Variants in PRICKLE4 observed in about 807,000 individuals in gnomAD.
PRICKLE4 encodes the protein prickle-like protein 4.
PRICKLE4 carries 40 observed loss-of-function variants against 43.5 expected under a neutral mutation model. That is an observed-to-expected ratio of 0.92 (90% CI 0.71 to 1.20). The LOEUF is 1.20. Ranked by LOEUF, PRICKLE4 falls within the 50% of genes most tolerant of loss-of-function variation. The pLI, the probability that PRICKLE4 is intolerant of heterozygous loss-of-function variation, is 0.00. For synonymous variants in PRICKLE4, 208 were observed against 197.4 expected (o/e 1.05, Z -0.45); for missense variants, 527 against 491.2 (o/e 1.07, Z -0.69).
Position 41,787,102 on chromosome 6 carries a change from C to T in PRICKLE4, c.1128C>T (p.Ala376=), listed in dbSNP as rs1164517277. Residue 376 remains alanine, a synonymous_variant, in exon 8 of 8, where the codon GCC becomes GCT. Transcript: ENST00000458694. ...GCCTCCAAGCAGAGGACAGCAACGCCTCTAAGACGCACTGCACCATGTGCT... is the reference window on the plus strand; with the variant it reads ...GCCTCCAAGCAGAGGACAGCAACGCTTCTAAGACGCACTGCACCATGTGCT... ...PGSLQAEDSN[A]SKTHCTMC is the part of the protein sequence containing the mutation. 5 of 1,609,428 alleles carry T rather than the reference C, an allele frequency of 3.1e-6. No homozygotes were observed. The highest frequency in any genetic ancestry group is 4.2e-6 in the Non-Finnish European group (5 of 1,179,618).
intron 4 of PRICKLE4, 43 bp from the exon 5 acceptor site, chr6:41,784,892 C>T: frequency 6.2e-7 from 1 of 1,609,602 alleles, no homozygotes; most frequent in Non-Finnish European, 8.5e-7. Flanking sequence ...TCAATGTTTT[C>T]TGCTGGAGCT....
At position 41,786,819 on chromosome 6, in the gene PRICKLE4, C is replaced by G. The variant is rs760559004; in HGVS notation, c.845C>G (p.Thr282Ser). 1 of 1,585,644 alleles carries G rather than the reference C, an allele frequency of 6.3e-7. No individual in the cohort carries two copies. The highest frequency in any genetic ancestry group is 1.1e-5 in the South Asian group (1 of 88,902). The change falls in exon 8 of 8, where the codon ACC becomes AGC. Residue 282 changes from threonine (T) to serine (S), a missense_variant. Physicochemically the swap from Thr to Ser is moderately conservative, Grantham distance 58. Coordinates refer to ENST00000458694, the MANE Select transcript of PRICKLE4 (RefSeq NM_013397.6). ...GACCAAACCTCGGTGAACTCTGCAA[C>G]CCTCTCCCGAACACTCCTCGCTGCT... ...GRDQTSVNSA[T>S]LSRTLLAAAG... is the part of the protein sequence containing the mutation.
At chr6:41,782,291 C>T (rs1471893893) in intron 2 of PRICKLE4, among the ~76,000 whole-genome samples, 5 of 151,660 alleles carry the variant, frequency 3.3e-5, no homozygotes, top group East Asian at 1.9e-4. Context: ...AGGATGGTCT[C>T]GAACCACTGA....
In PRICKLE4 at chr6:41,787,180, C is replaced by T. The variant is rs757297714; in HGVS notation, c.*51C>T. 1 of 1,532,048 alleles carries T rather than the reference C, an allele frequency of 6.5e-7. No individual in the cohort carries two copies. The highest frequency in any genetic ancestry group is 8.7e-7 in the Non-Finnish European group (1 of 1,146,968). The allele number at this position is 1,532,048 out of a possible 1,614,324, so 94.9% of individuals were successfully genotyped here. On this transcript the variant is annotated 3_prime_UTR_variant, in exon 8 of 8. Transcript: ENST00000458694. ...AGTGGGAGGAAAGGGGTCTGTAAAG[C>T]GGGAGAACAAGGCTAGCCTCCCCCT...
rs1183929945 is a variant in PRICKLE4, at chr6:41,786,322, G to A, written c.777G>A (p.Gln259=). Residue 259 remains glutamine (Q), a synonymous_variant, in exon 7 of 8, where the codon CAG becomes CAA. Coordinates refer to ENST00000458694, the MANE Select transcript of PRICKLE4 (RefSeq NM_013397.6). ...GSSWAGALEG[Q]AFLGETGLDR... ...GCTGGGCCGGGGCACTGGAAGGGCA[G>A]GCATTCCTTGGTAAGGGAGAGGATG... The A allele has an allele frequency of 6.4e-6, 10 of 1,561,648 alleles. No individual in the cohort carries two copies. The highest frequency in any genetic ancestry group is 8.7e-6 in the Non-Finnish European group (10 of 1,151,628).
intron 7 of PRICKLE4, 134 bp from the exon 8 acceptor site, chr6:41,786,628 C>G: frequency 7.0e-7 from 1 of 1,419,462 alleles, no homozygotes; most frequent in Non-Finnish European, 9.4e-7. Context: ...CTGGCGAGGA[C>G]TCTCGGCGGC....
chr6:41,787,055 C>T lies in PRICKLE4; in HGVS notation c.1081C>T (p.Gln361Ter), dbSNP rs1386912382. 1 of 1,613,828 alleles carries T rather than the reference C, an allele frequency of 6.2e-7. No homozygotes were observed. The highest frequency in any genetic ancestry group is 8.5e-7 in the Non-Finnish European group (1 of 1,180,020). The change falls in exon 8 of 8, where the codon CAG becomes TAG. Residue 361 changes from glutamine (Q) to a stop codon, truncating the protein, a stop_gained. Coordinates refer to ENST00000458694, the MANE Select transcript of PRICKLE4 (RefSeq NM_013397.6). LOFTEE classifies it high-confidence loss of function. ...EGFFLGERLP[Q>*]SWKTPGSLQA... ...ATTTTTCTTAGGCGAGCGCCTTCCC[C>T]AGTCCTGGAAGACCCCCGGAAGCCT...
In PRICKLE4 at chr6:41,786,187, C is replaced by A; in HGVS notation, c.642C>A (p.Phe214Leu). The A allele has an allele frequency of 6.2e-7, 1 of 1,612,814 alleles. No homozygotes were observed. Among genetic ancestry groups the A allele is most frequent in the Admixed American group, 1.7e-5 (1 of 59,918 alleles). Residue 214 changes from phenylalanine (F) to leucine (L), a missense_variant, in exon 7 of 8, where the codon TTC becomes TTA. Coordinates refer to ENST00000458694, the MANE Select transcript of PRICKLE4 (RefSeq NM_013397.6). ...AEGQRWHENH[F>L]CCQDCAGPLG... ...GACAGCGCTGGCATGAGAACCACTT[C>A]TGTTGCCAGGACTGCGCCGGGCCTC...
rs373736399 is a variant in PRICKLE4 at position 41,786,240 on chromosome 6, G to C, written c.695G>C (p.Gly232Ala). Residue 232 changes from glycine to alanine, a missense_variant, in exon 7 of 8, where the codon GGG becomes GCG. Transcript: ENST00000458694. ...PLGGGRYALP[G>A]GSPCCPSCFE... Reference sequence around the variant, plus strand: ...GGCGGGGGACGTTATGCCCTGCCTGGGGGAAGCCCCTGCTGCCCCAGCTGC... The same window carrying C: ...GGCGGGGGACGTTATGCCCTGCCTGCGGGAAGCCCCTGCTGCCCCAGCTGC... 5 of 1,602,778 alleles carry C rather than the reference G, an allele frequency of 3.1e-6. No individual in the cohort carries two copies. Among genetic ancestry groups the C allele is most frequent in the Non-Finnish European group, 4.3e-6 (5 of 1,171,456 alleles).
chr6:41,781,238 C>G (rs993342047), intron 1 of PRICKLE4, 112 bp from the exon 2 acceptor site: 1 of 152,806 alleles, frequency 6.5e-6, no homozygotes, highest in African/African-American at 2.4e-5. Flanking sequence ...AAGGGTGTTC[C>G]AGTGCTAGGT....
rs1581978544 is a variant in PRICKLE4, at chr6:41,785,026, T to G, written c.332T>G (p.Val111Gly). ...AAGCAGGAAGCCCTGGGACAGGGGG[T>G]AGCCCGCCTGGTACTTCCCAAGCTT... The part of the protein sequence containing the change: ...RRKQEALGQG[V>G]ARLVLPKLEG... The change falls in exon 5 of 8, where the codon GTA (valine) becomes GGA (glycine). Residue 111 changes from valine to glycine, a missense_variant. By Grantham distance (109) the Val-to-Gly change is moderately radical. Transcript: ENST00000458694. 1 of 1,613,292 alleles carries G rather than the reference T, an allele frequency of 6.2e-7. No homozygotes were observed. The highest frequency in any genetic ancestry group is 1.3e-5 in the African/African-American group (1 of 74,940).
At chr6:41,784,629 G>GC (rs1772610187) in intron 4 of PRICKLE4, among the ~76,000 whole-genome samples, 1 of 152,232 alleles carries the variant, frequency 6.6e-6, no homozygotes, top group African/African-American at 2.4e-5. Context: ...TTGAGGAAAT[G>GC]CAAGAATGGG....
In PRICKLE4 at chr6:41,786,544, C is replaced by G. The variant is rs547970929; in HGVS notation, c.787+212C>G. ...AGGGCCGCCCGAACCCACCCCGCGCCGCGGTCGGGGTTGCGGCGCCAGACT... is the reference window on the plus strand; with the variant it reads ...AGGGCCGCCCGAACCCACCCCGCGCGGCGGTCGGGGTTGCGGCGCCAGACT... On this transcript the variant is annotated intron_variant, in intron 7 of 7. Coordinates refer to ENST00000458694, the MANE Select transcript of PRICKLE4 (RefSeq NM_013397.6). 1.1e-5 allele frequency: 11 copies of G among 1,014,794 alleles called. No individual in the cohort carries two copies. In the South Asian group the frequency reaches 1.4e-4, roughly 13 times the overall value. 62.9% of individuals were successfully genotyped at this position (1,014,794 alleles called of 1,614,324 possible).
chr6:41,786,215 G>A lies in PRICKLE4; in HGVS notation c.670G>A (p.Gly224Ser), dbSNP rs1772643711. 6.2e-7 allele frequency: 1 copy of A among 1,607,730 alleles called. No homozygotes were observed. Among genetic ancestry groups the A allele is most frequent in the Non-Finnish European group, 8.5e-7 (1 of 1,175,366 alleles). ...TTGCCAGGACTGCGCCGGGCCTCTG[G>A]GCGGGGGACGTTATGCCCTGCCTGG... Reference protein sequence around the residue: ...FCCQDCAGPLGGGRYALPGGS... With the variant: ...FCCQDCAGPLSGGRYALPGGS... Residue 224 changes from glycine (G) to serine (S), a missense_variant, in exon 7 of 8, where the codon GGC becomes AGC. Gly to Ser is a moderately conservative substitution (Grantham distance 56). Transcript: ENST00000458694.
chr6:41,784,007 C>G (rs1248388488), intron 3 of PRICKLE4, 124 bp from the exon 4 acceptor site: 22 of 730,238 alleles, frequency 3.0e-5, no homozygotes, highest in East Asian at 5.4e-5. Context: ...AGGACCCTCC[C>G]AAATGGAGGG....
At chr6:41,785,612 C>A in intron 6 of PRICKLE4, 72 bp downstream of exon 6, 1 of 1,462,850 alleles carries the variant, frequency 6.8e-7, no homozygotes. Context: ...GGACACTCTC[C>A]TGGGCCACAG....
intron 7 of PRICKLE4, 191 bp downstream of exon 7, chr6:41,786,523 C>T: frequency 1.0e-6 from 1 of 997,116 alleles, no homozygotes; most frequent in East Asian, 2.9e-5. Flanking sequence ...GTTCCAAGGG[C>T]CGCCCGAACC....
chr6:41,780,991 A>C, intron 1 of PRICKLE4, 165 bp downstream of exon 1: 1 of 157,996 alleles, frequency 6.3e-6, no homozygotes, highest in Admixed American at 6.1e-5. Context: ...GGGACTGGGC[A>C]CTCCCCTTCC....
At position 41,787,023 on chromosome 6, in the gene PRICKLE4, C is replaced by G; in HGVS notation, c.1049C>G (p.Pro350Arg). 1 of 1,614,056 alleles carries G rather than the reference C, an allele frequency of 6.2e-7. No individual in the cohort carries two copies. The highest frequency in any genetic ancestry group is 8.5e-7 in the Non-Finnish European group (1 of 1,180,032). Residue 350 changes from proline to arginine, a missense_variant, in exon 8 of 8, where the codon CCT becomes CGT. Coordinates refer to ENST00000458694, the MANE Select transcript of PRICKLE4 (RefSeq NM_013397.6). ...TGCTCCTCCTCCTCTGACTCGGAAC[C>G]TGAAGGATTTTTCTTAGGCGAGCGC... ...STCSSSSDSE[P>R]EGFFLGERLP...
Sources: allele counts gnomAD v4.1 joint callset (sites outside exome capture counted in the v4.1 genomes callset), GRCh38; gene constraint gnomAD v4.1.1; transcripts MANE v1.5; gene names NCBI Gene and HGNC (gene_info 2026-07-23, HGNC 2026-07-21).